The following CADPS variants were observed in gnomAD, a reference collection of about 807,000 sequenced individuals.
CADPS encodes calcium-dependent secretion activator 1.
A neutral mutation model predicts 167.3 loss-of-function variants in CADPS; 57 were observed. The observed-to-expected ratio is 0.34, with a 90% CI of 0.28 to 0.42. The LOEUF (loss-of-function observed/expected upper bound fraction) is 0.42, where lower values mean the gene tolerates loss of function less well. CADPS is among the 20% of genes least tolerant of loss of function. The probability of loss-of-function intolerance (pLI) is 1.00; values close to 1 mark genes in which losing one functional copy is unlikely to be tolerated. For synonymous variants in CADPS, 676 were observed against 635.3 expected, an observed-to-expected ratio of 1.06 and a Z score of -0.96; for missense variants, 1,414 against 1,738.1, an observed-to-expected ratio of 0.81 and a Z score of 3.32.
chr3:62,843,156 T>C (rs2076883737), intron 1 of CADPS, among the ~76,000 whole-genome samples: 1 of 152,216 alleles, frequency 6.6e-6, no homozygotes, highest in Admixed American at 6.5e-5. Context: ...TTATGAAGAA[T>C]GATCTTCCCT....
intron 2 of CADPS, 46 bp downstream of exon 2, chr3:62,765,825 A>G: frequency 7.7e-7 from 1 of 1,298,018 alleles, no homozygotes; most frequent in East Asian, 2.3e-5. Context: ...CTCCCCAGGC[A>G]TAGGGCTTGA....
chr3:62,679,421 G>T (rs996890855), intron 3 of CADPS, among the ~76,000 whole-genome samples: 2 of 151,920 alleles, frequency 1.3e-5, no homozygotes, highest in Admixed American at 6.6e-5. Context: ...TATAGTCCCG[G>T]CTATAGGAAG....
intron 3 of CADPS, among the ~76,000 whole-genome samples, chr3:62,693,461 G>A (rs376416659): frequency 7.9e-5 from 12 of 151,968 alleles, no homozygotes; most frequent in African/African-American, 2.9e-4. Flanking sequence ...AAATTGATGG[G>A]AACATATTTT....
chr3:62,649,543 CTTTTTTTTTT>C (rs369874258), intron 5 of CADPS, among the ~76,000 whole-genome samples: 78 of 37,800 alleles, frequency 2.1e-3, no homozygotes, highest in East Asian at 6.1e-3. Flanking sequence ...AATATGTGGT[CTTTTTTTTTT>C]TTTTTTTTTT....
At chr3:62,567,335 T>C in intron 9 of CADPS, among the ~76,000 whole-genome samples, 1 of 152,070 alleles carries the variant, frequency 6.6e-6, no homozygotes, top group East Asian at 1.9e-4. Context: ...TTTTCTCCTC[T>C]CTCTTCCTTT....
At position 62,585,253 on chromosome 3, in the gene CADPS, G is replaced by A. The variant is rs1246673477; in HGVS notation, c.1509C>T (p.Cys503=). The stretch of plus-strand genomic sequence containing the variant: ...GTTTGATTTTGAGATCTTGGTCGGG[G>A]CAGTTTTTGGAGACTGTCATTTTGT... ...EWHKMTVSKN[C]PDQDLKIKLA... Residue 503 remains cysteine, a synonymous_variant, in exon 8 of 30, where the codon TGC becomes TGT. Transcript: ENST00000383710. The A allele has an allele frequency of 1.2e-6, 2 of 1,613,914 alleles. No individual in the cohort carries two copies. Among genetic ancestry groups the A allele is most frequent in the South Asian group, 1.1e-5 (1 of 91,064 alleles).
rs181117199 is a variant in CADPS, at chr3:62,585,053, G to A, written c.1577+132C>T. 415 of 852,398 alleles carry A rather than the reference G, an allele frequency of 4.9e-4. 4 individuals are homozygous for A. In the East Asian group the frequency reaches 7.1e-3, roughly 15 times the overall value. 52.8% of individuals were successfully genotyped at this position (852,398 alleles called of 1,614,324 possible). ...GAAGTTTACAGTAAATATCAAAGTCGAATATTTTAATATGAATTCTTTATA... is the reference window on the plus strand; with the variant it reads ...GAAGTTTACAGTAAATATCAAAGTCAAATATTTTAATATGAATTCTTTATA... On this transcript the variant is annotated intron_variant, in intron 8 of 29. Transcript: ENST00000383710.
intron 3 of CADPS, among the ~76,000 whole-genome samples, chr3:62,679,730 ACAGAAGAGG>A (rs1444736743): frequency 6.6e-6 from 1 of 152,058 alleles, no homozygotes; most frequent in Non-Finnish European, 1.5e-5. Context: ...AAAGCTAGTC[ACAGAAGAGG>A]CAGGGAGGTT....
At chr3:62,837,397 T>C (rs912897777) in intron 1 of CADPS, among the ~76,000 whole-genome samples, 3 of 152,272 alleles carry the variant, frequency 2.0e-5, no homozygotes, top group African/African-American at 4.8e-5. Context: ...ACGGGTTAAG[T>C]TGAGAGAACT....
chr3:62,758,883 G>A (rs754040420), intron 2 of CADPS, among the ~76,000 whole-genome samples: 6 of 152,216 alleles, frequency 3.9e-5, no homozygotes, highest in Non-Finnish European at 8.8e-5. Context: ...TCAGTACTTA[G>A]TGACTGTTCA....
intron 1 of CADPS, among the ~76,000 whole-genome samples, chr3:62,855,642 C>T (rs1247538888): frequency 6.6e-6 from 1 of 152,060 alleles, no homozygotes; most frequent in Non-Finnish European, 1.5e-5. Context: ...GCTGAAGTAG[C>T]AAGTCACAAA....
chr3:62,840,101 T>C (rs1266651179), intron 1 of CADPS, among the ~76,000 whole-genome samples: 1 of 152,176 alleles, frequency 6.6e-6, no homozygotes, highest in East Asian at 1.9e-4. Flanking sequence ...GACTGCTTCA[T>C]AAACTACAAA....
rs1166335045 is a variant in CADPS at position 62,465,634 on chromosome 3, T to C, written c.3553-184A>G. Among the ~76,000 whole-genome samples the C allele has an allele frequency of 1.3e-5, 2 of 152,226 alleles. No homozygotes were observed. Among genetic ancestry groups the C allele is most frequent in the Non-Finnish European group, 2.9e-5 (2 of 68,040 alleles). ...CCTTTACATAGAAATATTTGACTTA[T>C]CCGGCTTTCTCTTCATTATTATGTG... On this transcript the variant is annotated intron_variant, in intron 25 of 29. Transcript: ENST00000383710. The surrounding 1 kb of genome is among the most constrained non-coding windows in gnomAD (Gnocchi z 4.1).
chr3:62,687,734 A>ATTT lies in CADPS; in HGVS notation c.889-25343_889-25341dup, dbSNP rs201429638. 4.9e-3 allele frequency among the ~76,000 whole-genome samples: 633 copies of ATTT among 128,286 alleles called. 7 individuals carry two copies. The highest frequency in any genetic ancestry group is 0.011 in the African/African-American group (394 of 34,638). 84.2% of individuals were successfully genotyped at this position (128,286 alleles called of 152,430 possible). On this transcript the variant is annotated intron_variant, in intron 3 of 29. Coordinates refer to ENST00000383710, the MANE Select transcript of CADPS (RefSeq NM_003716.4). ...TTGCTACTTCCGGGGTTCCCTTCGC[A>ATTT]TTTTTTTTTTTTTTTTTTGCTTCTA...
intron 3 of CADPS, among the ~76,000 whole-genome samples, chr3:62,667,128 T>C (rs2074595407): frequency 6.8e-6 from 1 of 148,124 alleles, no homozygotes; most frequent in Non-Finnish European, 1.5e-5. Flanking sequence ...TCTGTAAAAC[T>C]GGGATAAGAT....
At chr3:62,802,955 A>C (rs996300649) in intron 1 of CADPS, among the ~76,000 whole-genome samples, 12 of 152,182 alleles carry the variant, frequency 7.9e-5, no homozygotes, top group African/African-American at 2.7e-4. Flanking sequence ...ACTAGTTTTC[A>C]GACTTAGAAG....
Position 62,633,018 on chromosome 3 carries a change from G to A in CADPS, c.1325+12704C>T, listed in dbSNP as rs1034084311. On this transcript the variant is annotated intron_variant, in intron 6 of 29. Coordinates refer to ENST00000383710, the MANE Select transcript of CADPS (RefSeq NM_003716.4). ...CTCAAGGTCATTCACCGAGACGCTA[G>A]CACTACAACTTACAAATTGACAAGC... Among the ~76,000 whole-genome samples the A allele has an allele frequency of 1.3e-5, 2 of 152,058 alleles. 1 individual carries two copies. Among genetic ancestry groups the A allele is most frequent in the Non-Finnish European group, 2.9e-5 (2 of 68,010 alleles).
chr3:62,516,053 C>A lies in CADPS; in HGVS notation c.2581+6G>T, dbSNP rs777622711. On this transcript the variant is annotated splice_donor_region_variant and intron_variant, in intron 16 of 29. Transcript: ENST00000383710. ...ATTCAAAACTGGGGGCAGAAGGGAG[C>A]CTTACCTTCGATTTTGGCATACTCT... is the stretch of plus-strand genomic sequence containing the variant. 2 of 1,612,838 alleles carry A rather than the reference C, an allele frequency of 1.2e-6. No individual in the cohort carries two copies. The highest frequency in any genetic ancestry group is 1.7e-6 in the Non-Finnish European group (2 of 1,179,170).
chr3:62,427,359 G>A, intron 28 of CADPS, among the ~76,000 whole-genome samples: 1 of 152,088 alleles, frequency 6.6e-6, no homozygotes, highest in Non-Finnish European at 1.5e-5. Context: ...ACAGTCACTG[G>A]AGTCCCACAG....
Sources: gnomAD v4.1 joint callset for allele counts (sites outside exome capture counted in the v4.1 genomes callset) on GRCh38, gnomAD v4.1.1 for gene constraint, Gnocchi (gnomAD v3.1) non-coding constraint, MANE v1.5 for transcripts, NCBI Gene and HGNC (gene_info 2026-07-23, HGNC 2026-07-21) for gene names.